Variants in ATG10 observed in about 807,000 individuals in gnomAD.
ATG10 encodes autophagy related 10.
A neutral mutation model predicts 32.1 loss-of-function variants in ATG10; 30 were observed. That is an observed-to-expected ratio of 0.94 (90% CI 0.70 to 1.27). ATG10 has a LOEUF of 1.27. Among genes scored for constraint, ATG10 ranks in the 50% most tolerant of loss-of-function variants. ATG10 has a pLI of 0.00. For missense variants in ATG10, 233 were observed against 262.3 expected (o/e 0.89, Z 0.77); for synonymous variants, 87 against 91.5 (o/e 0.95, Z 0.28).
chr5:82,139,734 G>T (rs577170377), intron 3 of ATG10, among the ~76,000 whole-genome samples: 1 of 130,692 alleles, frequency 7.7e-6, no homozygotes, highest in Non-Finnish European at 1.6e-5. Context: ...CCCCCTGCCC[G>T]GCCAGCCGCC....
At chr5:82,171,157 GTGAT>G (rs1199197446) in intron 4 of ATG10, among the ~76,000 whole-genome samples, 2 of 152,136 alleles carry the variant, frequency 1.3e-5, no homozygotes, top group Non-Finnish European at 1.5e-5. Flanking sequence ...ACTAGGTTAA[GTGAT>G]TCACTTAATT....
chr5:82,244,321 G>A (rs1368600733), intron 5 of ATG10, among the ~76,000 whole-genome samples: 1 of 152,134 alleles, frequency 6.6e-6, no homozygotes, highest in Non-Finnish European at 1.5e-5. Context: ...GGCATGAGGA[G>A]GTGCAGTGTA....
intron 5 of ATG10, among the ~76,000 whole-genome samples, chr5:82,199,235 C>T (rs950854550): frequency 2.0e-5 from 3 of 152,104 alleles, no homozygotes; most frequent in Non-Finnish European, 2.9e-5. Context: ...GATTTTTGGT[C>T]GATTTTTCTC....
At chr5:82,127,495 T>C (rs1012717219) in intron 3 of ATG10, among the ~76,000 whole-genome samples, 17 of 152,166 alleles carry the variant, frequency 1.1e-4, no homozygotes, top group African/African-American at 2.9e-4. Flanking sequence ...TTTGTTCTCA[T>C]TGGTTTCAAA....
chr5:82,129,813 CA>C (rs1218467480), intron 3 of ATG10, among the ~76,000 whole-genome samples: 4 of 152,074 alleles, frequency 2.6e-5, no homozygotes, highest in Non-Finnish European at 4.4e-5. Flanking sequence ...AGTCAGGAGT[CA>C]GGGGGGTCAG....
chr5:82,040,866 T>G lies in ATG10; in HGVS notation c.109-17629T>G, dbSNP rs1763064406. 3.3e-5 allele frequency among the ~76,000 whole-genome samples: 5 copies of G among 152,330 alleles called. No homozygotes were observed. The South Asian group carries it at 1.0e-3, about 32-fold the overall frequency. On this transcript the variant is annotated intron_variant, in intron 2 of 7. Transcript: ENST00000282185. ...CCTAGATGATCTGGCTCTATTGGCT[T>G]TTTTGTTCTTCATGTACACCAAACT...
In ATG10 at chr5:82,098,308, G is replaced by GTT. The variant is rs35693758; in HGVS notation, c.216+39726_216+39727dup. ...ATTTTATTGTTAATATTGTTGTTGG[G>GTT]TTTTTTTTTTTTTTTTTTTTTGAGA... On this transcript the variant is annotated intron_variant, in intron 3 of 7. Coordinates refer to ENST00000282185, the MANE Select transcript of ATG10 (RefSeq NM_031482.5). 8.3e-3 allele frequency among the ~76,000 whole-genome samples: 958 copies of GTT among 115,628 alleles called. 1 individual carries two copies. The highest frequency in any genetic ancestry group is 0.012 in the Non-Finnish European group (644 of 55,210). 75.9% of individuals were successfully genotyped at this position (115,628 alleles called of 152,430 possible). A position where few individuals can be genotyped will look rare whatever the true frequency, so the allele number is the denominator to read the frequency against.
intron 2 of ATG10, among the ~76,000 whole-genome samples, chr5:81,997,523 C>T (rs1761705125): frequency 6.6e-6 from 1 of 152,174 alleles, no homozygotes; most frequent in South Asian, 2.1e-4. Flanking sequence ...AGTTCCCCAG[C>T]AATGGTTCTT....
intron 2 of ATG10, among the ~76,000 whole-genome samples, chr5:82,055,945 A>G (rs1383843413): frequency 1.3e-5 from 2 of 152,186 alleles, no homozygotes; most frequent in African/African-American, 4.8e-5. Flanking sequence ...TTTGCAGCCT[A>G]GGAGCAAGCA....
chr5:82,247,656 T>C (rs1747088471), intron 5 of ATG10, among the ~76,000 whole-genome samples: 1 of 152,256 alleles, frequency 6.6e-6, no homozygotes, highest in Non-Finnish European at 1.5e-5. Flanking sequence ...TTTTTAATAA[T>C]GAATTTTCCC....
chr5:82,071,523 A>T (rs751069887), intron 3 of ATG10, among the ~76,000 whole-genome samples: 1 of 152,088 alleles, frequency 6.6e-6, no homozygotes, highest in Non-Finnish European at 1.5e-5. Flanking sequence ...TTCAAATCAT[A>T]CTTCTTTGAT....
chr5:82,078,059 T>G lies in ATG10; in HGVS notation c.216+19457T>G, dbSNP rs149182752. ...GTGTAATATGGTCATTTTTCTTCGA[T>G]TATAATTTTTCAGACATCTCAGTTG... On this transcript the variant is annotated intron_variant, in intron 3 of 7. Coordinates refer to ENST00000282185, the MANE Select transcript of ATG10 (RefSeq NM_031482.5). Among the ~76,000 whole-genome samples, 501 of 152,330 alleles carry G rather than the reference T, an allele frequency of 3.3e-3. 1 individual carries two copies. The highest frequency in any genetic ancestry group is 0.011 in the African/African-American group (477 of 41,578).
At chr5:82,086,000 T>A (rs1162669822) in intron 3 of ATG10, among the ~76,000 whole-genome samples, 1 of 152,152 alleles carries the variant, frequency 6.6e-6, no homozygotes, top group Non-Finnish European at 1.5e-5. Flanking sequence ...AACTTAAGAA[T>A]TTTAAATAAA....
chr5:82,101,966 G>A (rs1040429445), intron 3 of ATG10, among the ~76,000 whole-genome samples: 4 of 152,170 alleles, frequency 2.6e-5, no homozygotes, highest in African/African-American at 9.7e-5. Flanking sequence ...TTGTGCAGAT[G>A]CCAGCATATT....
Position 82,106,312 on chromosome 5 carries a change from A to T in ATG10, c.216+47710A>T, listed in dbSNP as rs372844782. Among the ~76,000 whole-genome samples the T allele has an allele frequency of 2.6e-5, 4 of 152,300 alleles. No individual in the cohort carries two copies. The East Asian group carries it at 5.8e-4, about 22-fold the overall frequency. Reference sequence around the variant, plus strand: ...TTACCATCTTTTACCTCAGTAACTTAAAGTGGACCTTTCTAGTTCACTTGT... The same window carrying T: ...TTACCATCTTTTACCTCAGTAACTTTAAGTGGACCTTTCTAGTTCACTTGT... On this transcript the variant is annotated intron_variant, in intron 3 of 7. Transcript: ENST00000282185.
intron 5 of ATG10, among the ~76,000 whole-genome samples, chr5:82,215,450 C>T (rs935587482): frequency 1.3e-5 from 2 of 152,036 alleles, no homozygotes; most frequent in East Asian, 1.9e-4. Flanking sequence ...ATTATTGAAC[C>T]GTTTTAGAAA....
In ATG10 at chr5:82,068,683, AAT is replaced by A. The variant is rs985995454; in HGVS notation, c.216+10094_216+10095del. ...GACTTTATAACCGAATCTAAACTTA[AAT>A]ATATATATATATCTTATATATATAT... is the stretch of plus-strand genomic sequence containing the variant. On this transcript the variant is annotated intron_variant, in intron 3 of 7. Transcript: ENST00000282185. Among the ~76,000 whole-genome samples, 50 of 146,594 alleles carry A rather than the reference AAT, an allele frequency of 3.4e-4. No homozygotes were observed. The East Asian group carries it at 3.7e-3, about 11-fold the overall frequency.
At chr5:82,193,856 A>C (rs1363457903) in intron 5 of ATG10, among the ~76,000 whole-genome samples, 2 of 152,238 alleles carry the variant, frequency 1.3e-5, no homozygotes, top group African/African-American at 4.8e-5. Context: ...AGAAAGGCTA[A>C]ATGATCAACA....
At chr5:82,042,413 C>T (rs541460408) in intron 2 of ATG10, among the ~76,000 whole-genome samples, 7 of 152,116 alleles carry the variant, frequency 4.6e-5, no homozygotes, top group South Asian at 2.1e-4. Context: ...GAGATTTGGG[C>T]GGGGATACAA....
Sources: gnomAD v4.1 joint callset for allele counts (sites outside exome capture counted in the v4.1 genomes callset) on GRCh38, gnomAD v4.1.1 for gene constraint, MANE v1.5 for transcripts, NCBI Gene and HGNC (gene_info 2026-07-23, HGNC 2026-07-21) for gene names.